The following GSDME variants were observed in gnomAD, a reference collection of about 807,000 sequenced individuals.
The protein encoded by GSDME is gasdermin-E.
Under a neutral mutation model 47.5 loss-of-function variants are expected in GSDME, and 44 were observed. The observed-to-expected ratio is 0.93, with a 90% confidence interval of 0.73 to 1.19. The LOEUF (loss-of-function observed/expected upper bound fraction) is 1.19. GSDME is among the 50% of genes most tolerant of loss of function. The pLI, the probability that GSDME is intolerant of heterozygous loss-of-function variation, is 0.00. For missense variants in GSDME, 663 were observed against 604.2 expected (o/e 1.10, Z -1.02); for synonymous variants, 258 against 252.8 (o/e 1.02, Z -0.20).
chr7:24,760,642 CCTTT>C (rs1285584403), upstream of GSDME, among the ~76,000 whole-genome samples: 4 of 152,090 alleles, frequency 2.6e-5, no homozygotes, highest in African/African-American at 9.7e-5. The surrounding 1 kb of genome is among the most constrained non-coding windows in gnomAD (Gnocchi z 4.2). Context: ...CATAATTTTG[CCTTT>C]TACCATATTG....
intron 5 of GSDME, among the ~76,000 whole-genome samples, chr7:24,711,978 A>G (rs1267179051): frequency 2.0e-5 from 3 of 152,218 alleles, no homozygotes; most frequent in East Asian, 1.9e-4. Flanking sequence ...TTATGATTCT[A>G]TTTACTAACT....
chr7:24,785,763 T>G, the GSDME span, among the ~76,000 whole-genome samples: 3 of 152,216 alleles, frequency 2.0e-5, no homozygotes, highest in Non-Finnish European at 4.4e-5. Context: ...CCAATTCACT[T>G]GTTTTAAACA....
intron 1 of GSDME, among the ~76,000 whole-genome samples, chr7:24,751,459 T>TAA (rs1234371710): frequency 6.6e-6 from 1 of 152,236 alleles, no homozygotes; most frequent in Non-Finnish European, 1.5e-5. Flanking sequence ...CAATCCACCT[T>TAA]AACATGAATC....
At position 24,742,473 on chromosome 7, in the gene GSDME, C is replaced by T. The variant is rs73082062; in HGVS notation, c.404+2089G>A. On this transcript the variant is annotated intron_variant, in intron 3 of 9. Transcript: ENST00000645220. This position sits in a 1 kb window ranked among gnomAD's most constrained non-coding sequence, Gnocchi z 4.4. ...GGATGCTCCTTTCCTTTCCCTCCCC[C>T]ACTCCCTCTTCCTCCACTCAGAACT... Among the ~76,000 whole-genome samples the T allele has an allele frequency of 4.6e-5, 7 of 152,182 alleles. No homozygotes were observed. Among genetic ancestry groups the T allele is most frequent in the African/African-American group, 7.2e-5 (3 of 41,456 alleles).
At chr7:24,774,341 C>CT in the GSDME span, among the ~76,000 whole-genome samples, 1 of 132,574 alleles carries the variant, frequency 7.5e-6, no homozygotes, top group Non-Finnish European at 1.6e-5. Context: ...CCCTCCCTTC[C>CT]TCCCTCCCTT....
chr7:24,715,065 CGAT>C (rs1191498285), intron 5 of GSDME, among the ~76,000 whole-genome samples: 1 of 152,200 alleles, frequency 6.6e-6, no homozygotes, highest in African/African-American at 2.4e-5. Flanking sequence ...GTGCCAACCT[CGAT>C]GAACCCAGAG....
chr7:24,794,183 CCT>C, the GSDME span, among the ~76,000 whole-genome samples: 14 of 149,398 alleles, frequency 9.4e-5, no homozygotes, highest in Non-Finnish European at 1.4e-4. Flanking sequence ...TCTGTCTCTT[CCT>C]CTCTCTCTCT....
rs578201707 is a variant in GSDME, at chr7:24,716,489, C to T, written c.697+765G>A. 6.6e-6 allele frequency: 1 copy of T among 152,588 alleles called. No homozygotes were observed. Among genetic ancestry groups the T allele is most frequent in the African/African-American group, 2.4e-5 (1 of 41,566 alleles). 9.5% of individuals were successfully genotyped at this position (152,588 alleles called of 1,614,324 possible). A position where few individuals can be genotyped will look rare whatever the true frequency, so the allele number is the denominator to read the frequency against. ...ATTTATTATGTTACATTTACCCACT[C>T]ATGTCCCTAAGGAGCGGTCACACAG... is the stretch of plus-strand genomic sequence containing the variant. On this transcript the variant is annotated intron_variant, in intron 5 of 9. Coordinates refer to ENST00000645220, the MANE Select transcript of GSDME (RefSeq NM_001127453.2). This position sits in a 1 kb window ranked among gnomAD's most constrained non-coding sequence, Gnocchi z 4.5.
the GSDME span, among the ~76,000 whole-genome samples, chr7:24,778,846 A>G: frequency 2.0e-5 from 3 of 152,204 alleles, no homozygotes; most frequent in Non-Finnish European, 4.4e-5. The surrounding 1 kb of genome is among the most constrained non-coding windows in gnomAD (Gnocchi z 5.6). Flanking sequence ...CTGGATAACC[A>G]TGCACCCAGT....
Position 24,706,109 on chromosome 7 carries a change from C to T in GSDME, c.1183+75G>A, listed in dbSNP as rs114554049. The T allele has an allele frequency of 3.6e-3, 5,506 of 1,547,924 alleles. 165 individuals carry two copies. In the African/African-American group the frequency reaches 0.066, roughly 19 times the overall value. ...TCTTCCACAGTTACCACCTCTGTGT[C>T]CCCAGAAGCATAGATAGTAGGCAAA... On this transcript the variant is annotated intron_variant, in intron 8 of 9. Transcript: ENST00000645220.
Position 24,749,612 on chromosome 7 carries a change from A to G in GSDME, c.163T>C (p.Ser55Pro). 6.2e-7 allele frequency: 1 copy of G among 1,613,990 alleles called. No homozygotes were observed. The highest frequency in any genetic ancestry group is 8.5e-7 in the Non-Finnish European group (1 of 1,180,022). ...ATGAGTACATCGCCAAGGGTGAGGG[A>G]TAAAAACTGGTACTTGGGTCTCTGC... ...CWQRPKYQFL[S>P]LTLGDVLIED... is the part of the protein sequence containing the mutation. Residue 55 changes from serine to proline, a missense_variant, in exon 2 of 10, where the codon TCC becomes CCC. Physicochemically the swap from Ser to Pro is moderately conservative, Grantham distance 74. Coordinates refer to ENST00000645220, the MANE Select transcript of GSDME (RefSeq NM_001127453.2).
intron 3 of GSDME, among the ~76,000 whole-genome samples, chr7:24,729,101 G>A (rs1406847596): frequency 2.0e-5 from 3 of 152,310 alleles, no homozygotes; most frequent in Admixed American, 2.0e-4. Flanking sequence ...AGAACCTGTA[G>A]ATGTTCAGCC....
chr7:24,717,103 C>G, intron 5 of GSDME, 151 bp downstream of exon 5: 1 of 876,572 alleles, frequency 1.1e-6, no homozygotes, highest in South Asian at 1.5e-5. Flanking sequence ...GTCCAGGGAC[C>G]ATGTCTTGGG....
At position 24,714,154 on chromosome 7, in the gene GSDME, T is replaced by C. The variant is rs1789456809; in HGVS notation, c.697+3100A>G. Reference sequence around the variant, plus strand: ...CAAGAGAATGAAAGGGTGTTTCTGATTGGGCATAAGTGTCTCCTGAGAGGG... The same window carrying C: ...CAAGAGAATGAAAGGGTGTTTCTGACTGGGCATAAGTGTCTCCTGAGAGGG... On this transcript the variant is annotated intron_variant, in intron 5 of 9. Coordinates refer to ENST00000645220, the MANE Select transcript of GSDME (RefSeq NM_001127453.2). This position sits in a 1 kb window ranked among gnomAD's most constrained non-coding sequence, Gnocchi z 5.0. Among the ~76,000 whole-genome samples the C allele has an allele frequency of 6.6e-6, 1 of 152,166 alleles. No individual in the cohort carries two copies. Among genetic ancestry groups the C allele is most frequent in the Non-Finnish European group, 1.5e-5 (1 of 68,032 alleles).
upstream of GSDME, among the ~76,000 whole-genome samples, chr7:24,759,073 G>A (rs888393966): frequency 6.6e-6 from 1 of 152,170 alleles, no homozygotes; most frequent in Non-Finnish European, 1.5e-5. Flanking sequence ...GTTCGAAATG[G>A]TCCATGGTGG....
At chr7:24,760,785 T>C (rs1336178076), upstream of GSDME, among the ~76,000 whole-genome samples, 1 of 152,250 alleles carries the variant, frequency 6.6e-6, no homozygotes, top group Non-Finnish European at 1.5e-5. This position sits in a 1 kb window ranked among gnomAD's most constrained non-coding sequence, Gnocchi z 4.2. Flanking sequence ...CTGGAGACTG[T>C]ATTGCCAATG....
the GSDME span, among the ~76,000 whole-genome samples, chr7:24,769,136 A>G: frequency 0.016 from 2,507 of 152,370 alleles, 44 homozygotes; most frequent in Admixed American, 0.045. Context: ...TAGAATTGTC[A>G]GAGAAATGAG....
intron 9 of GSDME, among the ~76,000 whole-genome samples, chr7:24,700,183 A>G (rs1788807996): frequency 6.6e-6 from 1 of 152,060 alleles, no homozygotes; most frequent in Non-Finnish European, 1.5e-5. Flanking sequence ...ACCTTCCCTT[A>G]TTTAACCCTA....
chr7:24,723,321 G>A (rs773412805), intron 3 of GSDME, among the ~76,000 whole-genome samples: 2 of 152,162 alleles, frequency 1.3e-5, no homozygotes, highest in African/African-American at 4.8e-5. Context: ...AGCAGCCCCA[G>A]GGGGAGAGCT....
Sources: gnomAD v4.1 joint callset for allele counts (sites outside exome capture counted in the v4.1 genomes callset) on GRCh38, gnomAD v4.1.1 for gene constraint, Gnocchi (gnomAD v3.1) non-coding constraint, MANE v1.5 for transcripts, NCBI Gene and HGNC (gene_info 2026-07-23, HGNC 2026-07-21) for gene names.